Variants in CRACD observed in about 807,000 individuals in gnomAD.
CRACD encodes the protein capping protein inhibiting regulator of actin dynamics, also known as capping protein-inhibiting regulator of actin dynamics.
A neutral mutation model predicts 106.8 loss-of-function variants in CRACD; 56 were observed. That is an observed-to-expected ratio of 0.52 (90% CI 0.42 to 0.66). The LOEUF (loss-of-function observed/expected upper bound fraction) is 0.66, where lower values mean the gene tolerates loss of function less well. CRACD is among the 30% of genes least tolerant of loss of function. CRACD has a pLI of 0.00. For missense variants in CRACD, 1,730 were observed against 1,623.2 expected, an observed-to-expected ratio of 1.07 and a Z score of -1.13; for synonymous variants, 754 against 670.8, an observed-to-expected ratio of 1.12 and a Z score of -1.92.
rs759246568 is a variant in CRACD at position 56,327,827 on chromosome 4, A to G, written c.*23A>G. 16 of 1,596,680 alleles carry G rather than the reference A, an allele frequency of 1.0e-5. No homozygotes were observed. The highest frequency in any genetic ancestry group is 1.7e-4 in the Middle Eastern group (1 of 6,022). On this transcript the variant is annotated 3_prime_UTR_variant, in exon 11 of 11. Transcript: ENST00000682029. ...TAAAGAGTGACTCTCACCCATCCCT[A>G]CTGCCAGTTATTGGCTCCTCTCTTG...
intron 1 of CRACD, among the ~76,000 whole-genome samples, chr4:56,153,502 C>T (rs1159126493): frequency 1.3e-5 from 2 of 152,122 alleles, no homozygotes; most frequent in African/African-American, 2.4e-5. Context: ...CTCTCCAAAT[C>T]CTCTTGGCTG....
In CRACD at chr4:56,172,976, G is replaced by A. The variant is rs111514034; in HGVS notation, c.-335-6308G>A. 1.6e-3 allele frequency among the ~76,000 whole-genome samples: 243 copies of A among 152,110 alleles called. 5 individuals are homozygous for A. The highest frequency in any genetic ancestry group is 5.4e-3 in the African/African-American group (225 of 41,508). ...TCTCCATGTTGGTCAGGCTGGTCTC[G>A]AACTCTCAACCTCAGGTGATCCGCC... On this transcript the variant is annotated intron_variant, in intron 1 of 10. Coordinates refer to ENST00000682029, the MANE Select transcript of CRACD (RefSeq NM_001393381.1).
intron 1 of CRACD, among the ~76,000 whole-genome samples, chr4:56,101,846 A>G (rs145157164): frequency 6.6e-6 from 1 of 151,974 alleles, no homozygotes; most frequent in East Asian, 1.9e-4. Context: ...AACATATGTT[A>G]CATGTATCCT....
intron 1 of CRACD, among the ~76,000 whole-genome samples, chr4:56,125,764 C>CTT (rs11289899): frequency 0.037 from 2,701 of 73,170 alleles, 59 homozygotes; most frequent in Non-Finnish European, 0.045. Context: ...CATTCTTCTT[C>CTT]TTTTTTTTTT....
At chr4:56,117,563 G>T (rs1363083072) in intron 1 of CRACD, among the ~76,000 whole-genome samples, 1 of 152,062 alleles carries the variant, frequency 6.6e-6, no homozygotes, top group East Asian at 1.9e-4. Context: ...ATGGATACAG[G>T]TTTCAGTTTT....
chr4:56,061,275 A>T (rs1047587647), intron 1 of CRACD, among the ~76,000 whole-genome samples: 1 of 152,104 alleles, frequency 6.6e-6, no homozygotes, highest in African/African-American at 2.4e-5. Context: ...GGCTCAAAGG[A>T]TCCTCCTACC....
chr4:56,108,558 A>G (rs899482582), intron 1 of CRACD, among the ~76,000 whole-genome samples: 1 of 152,104 alleles, frequency 6.6e-6, no homozygotes, highest in Non-Finnish European at 1.5e-5. Context: ...AGAGAAAACA[A>G]CTGGGCCCAA....
At chr4:56,325,895 A>G (rs1478061312) in intron 10 of CRACD, among the ~76,000 whole-genome samples, 1 of 152,064 alleles carries the variant, frequency 6.6e-6, no homozygotes, top group African/African-American at 2.4e-5. Flanking sequence ...GAAGCTTTAT[A>G]TTTGTTTTTT....
chr4:56,123,393 C>G (rs1382155075), intron 1 of CRACD, among the ~76,000 whole-genome samples: 1 of 152,226 alleles, frequency 6.6e-6, no homozygotes, highest in East Asian at 1.9e-4. Context: ...GCTGCCTTCT[C>G]TCTGTATCCT....
intron 2 of CRACD, among the ~76,000 whole-genome samples, chr4:56,220,910 G>A (rs1052806254): frequency 6.6e-6 from 1 of 152,130 alleles, no homozygotes; most frequent in Non-Finnish European, 1.5e-5. Context: ...TTGAAAGATA[G>A]ATAGAAAGTA....
intron 1 of CRACD, among the ~76,000 whole-genome samples, chr4:56,133,697 A>G (rs1266298477): frequency 2.0e-5 from 3 of 152,244 alleles, no homozygotes; most frequent in African/African-American, 4.8e-5. Flanking sequence ...GTACATAAAA[A>G]TTAAGCTGAA....
chr4:56,271,746 T>C (rs1233805037), intron 2 of CRACD, among the ~76,000 whole-genome samples: 1 of 152,016 alleles, frequency 6.6e-6, no homozygotes, highest in Non-Finnish European at 1.5e-5. Context: ...TTTTATTTTA[T>C]TTATTTATTT....
intron 1 of CRACD, among the ~76,000 whole-genome samples, chr4:56,101,841 A>G (rs1253357263): frequency 1.3e-5 from 2 of 151,888 alleles, no homozygotes; most frequent in Non-Finnish European, 2.9e-5. Flanking sequence ...TATAAAACAT[A>G]TGTTACATGT....
chr4:56,280,077 G>A lies in CRACD; in HGVS notation c.-17+7585G>A, dbSNP rs546830824. Among the ~76,000 whole-genome samples the A allele has an allele frequency of 1.5e-3, 226 of 148,602 alleles. 2 individuals carry two copies. Among genetic ancestry groups the A allele is most frequent in the African/African-American group, 5.4e-3 (216 of 40,136 alleles). On this transcript the variant is annotated intron_variant, in intron 3 of 10. Coordinates refer to ENST00000682029, the MANE Select transcript of CRACD (RefSeq NM_001393381.1). ...CAAACACCGCATGTTCTCACTCATAGGTGGGAATTGAACAGTGAGAACACA... is the reference window on the plus strand; with the variant it reads ...CAAACACCGCATGTTCTCACTCATAAGTGGGAATTGAACAGTGAGAACACA...
At chr4:56,209,353 G>A (rs919399543) in intron 2 of CRACD, among the ~76,000 whole-genome samples, 7 of 151,710 alleles carry the variant, frequency 4.6e-5, no homozygotes, top group African/African-American at 1.5e-4. Flanking sequence ...TAGTAACTTC[G>A]CCTAGACAAA....
intron 1 of CRACD, among the ~76,000 whole-genome samples, chr4:56,138,714 C>T (rs1735091336): frequency 6.6e-6 from 1 of 152,190 alleles, no homozygotes; most frequent in Non-Finnish European, 1.5e-5. Flanking sequence ...CATCCCGCAT[C>T]AGGAGAGGAT....
At chr4:56,305,418 C>T (rs1197776659) in intron 4 of CRACD, among the ~76,000 whole-genome samples, 2 of 152,148 alleles carry the variant, frequency 1.3e-5, no homozygotes, top group South Asian at 4.1e-4. Context: ...GTCCCCACCC[C>T]CTCTCCCAAG....
chr4:56,269,562 CTTTTT>C (rs56162079), intron 2 of CRACD, among the ~76,000 whole-genome samples: 3 of 112,128 alleles, frequency 2.7e-5, no homozygotes, highest in African/African-American at 3.7e-5. Flanking sequence ...AGGTGCCACA[CTTTTT>C]TTTTTTTTTT....
chr4:56,054,461 G>A (rs768253347), intron 1 of CRACD, among the ~76,000 whole-genome samples: 11 of 152,304 alleles, frequency 7.2e-5, no homozygotes, highest in Admixed American at 2.0e-4. Context: ...GATTACAAGC[G>A]TGAGCCGCCA....
Sources: gnomAD v4.1 joint callset for allele counts (sites outside exome capture counted in the v4.1 genomes callset) on GRCh38, gnomAD v4.1.1 for gene constraint, MANE v1.5 for transcripts, NCBI Gene and HGNC (gene_info 2026-07-23, HGNC 2026-07-21) for gene names.